Variants in WDR49 observed in about 807,000 individuals in gnomAD.
WDR49 encodes the protein cilia- and flagella-associated protein 337.
A neutral mutation model predicts 119.5 loss-of-function variants in WDR49; 107 were observed. That is an observed-to-expected ratio of 0.90 (90% CI 0.77 to 1.05). The LOEUF (loss-of-function observed/expected upper bound fraction) is 1.05, where lower values mean the gene tolerates loss of function less well. Ranked by LOEUF, WDR49 falls within the 50% of genes least tolerant of loss-of-function variation. The pLI is 0.00. For missense variants in WDR49, 1,240 were observed against 1,220.5 expected (o/e 1.02, Z -0.24); for synonymous variants, 425 against 418.8 (o/e 1.01, Z -0.18).
chr3:167,500,147 A>G lies in WDR49; in HGVS notation c.3031+6T>C, dbSNP rs772474212. 2.6e-6 allele frequency: 4 copies of G among 1,561,192 alleles called. No individual in the cohort carries two copies. In the African/African-American group the frequency reaches 5.6e-5, roughly 22 times the overall value. On this transcript the variant is annotated splice_donor_region_variant and intron_variant, in intron 18 of 18. Transcript: ENST00000682715. The stretch of plus-strand genomic sequence containing the variant: ...TAATAGAGGTGTATGATGGCTGAGA[A>G]CTTACTTTTAAAAAGTGACGGGGCC...
chr3:167,504,102 G>C (rs1381206472), intron 17 of WDR49, among the ~76,000 whole-genome samples: 2 of 152,306 alleles, frequency 1.3e-5, no homozygotes, highest in Middle Eastern at 3.4e-3. Context: ...CTCACTAGTA[G>C]AGGGGAAATG....
chr3:167,657,222 G>A (rs536966047), upstream of WDR49, among the ~76,000 whole-genome samples: 5 of 152,204 alleles, frequency 3.3e-5, no homozygotes, highest in Admixed American at 2.6e-4. Context: ...AAAGAAAAGA[G>A]CATTAAATTC....
At chr3:167,516,047 C>A (rs549157946) in intron 16 of WDR49, among the ~76,000 whole-genome samples, 3 of 152,084 alleles carry the variant, frequency 2.0e-5, no homozygotes, top group Non-Finnish European at 4.4e-5. Context: ...TCATGAAAAT[C>A]GCCATACTGC....
chr3:167,527,305 T>C lies in WDR49; in HGVS notation c.2604+515A>G, dbSNP rs183465965. Among the ~76,000 whole-genome samples the C allele has an allele frequency of 1.0e-3, 152 of 152,274 alleles. No homozygotes were observed. In the Middle Eastern group the frequency reaches 0.014, roughly 14 times the overall value. On this transcript the variant is annotated intron_variant, in intron 15 of 18. Transcript: ENST00000682715. ...CAATTGTGAAGATTAAATGAGTTAA[T>C]TCTTGAAAAACATCTTAGAACAGTA...
At chr3:167,618,686 G>A (rs143333259) in intron 5 of WDR49, among the ~76,000 whole-genome samples, 2 of 152,094 alleles carry the variant, frequency 1.3e-5, no homozygotes, top group African/African-American at 4.8e-5. Context: ...GTGATTTAAG[G>A]CCAGACTGTG....
chr3:167,541,454 C>T (rs1711830867), intron 10 of WDR49, among the ~76,000 whole-genome samples: 1 of 152,086 alleles, frequency 6.6e-6, no homozygotes, highest in Non-Finnish European at 1.5e-5. Context: ...CAAAACTAAG[C>T]TTCATAAATG....
intron 18 of WDR49, among the ~76,000 whole-genome samples, chr3:167,481,391 ACT>A (rs2108186548): frequency 6.6e-6 from 1 of 152,198 alleles, no homozygotes; most frequent in East Asian, 1.9e-4. Context: ...AGGTAGCAAA[ACT>A]CAGAAAAAGA....
intron 16 of WDR49, among the ~76,000 whole-genome samples, chr3:167,513,608 C>T (rs921473510): frequency 6.6e-6 from 1 of 152,136 alleles, no homozygotes; most frequent in Non-Finnish European, 1.5e-5. Flanking sequence ...TCACACATAA[C>T]AATATCAACC....
chr3:167,538,942 T>C (rs572306700), intron 10 of WDR49, among the ~76,000 whole-genome samples: 2 of 152,316 alleles, frequency 1.3e-5, no homozygotes, highest in Admixed American at 6.5e-5. Context: ...TGTGGAGCTC[T>C]GTTATTTAAG....
chr3:167,530,025 A>T (rs565210751), intron 13 of WDR49, among the ~76,000 whole-genome samples: 4 of 152,256 alleles, frequency 2.6e-5, no homozygotes, highest in Non-Finnish European at 5.9e-5. Flanking sequence ...TACTGATAAC[A>T]TTAAAATTAG....
At chr3:167,567,091 C>A (rs186786129) in intron 8 of WDR49, among the ~76,000 whole-genome samples, 2 of 152,148 alleles carry the variant, frequency 1.3e-5, no homozygotes, top group African/African-American at 4.8e-5. Context: ...CAGTACCAAT[C>A]CCTCTTCCAA....
chr3:167,590,970 T>C (rs1289619792), intron 7 of WDR49, among the ~76,000 whole-genome samples: 1 of 152,014 alleles, frequency 6.6e-6, no homozygotes, highest in Non-Finnish European at 1.5e-5. Flanking sequence ...ATTTGGGGTT[T>C]GGTTTGTTTT....
At chr3:167,637,066 C>T (rs2108336328) in intron 2 of WDR49, among the ~76,000 whole-genome samples, 1 of 151,936 alleles carries the variant, frequency 6.6e-6, no homozygotes. Flanking sequence ...AAATCCTTGC[C>T]TAAGCCAACC....
intron 2 of WDR49, among the ~76,000 whole-genome samples, chr3:167,650,855 G>A (rs1490091218): frequency 6.6e-6 from 1 of 152,100 alleles, no homozygotes; most frequent in African/African-American, 2.4e-5. Context: ...TAATCTTCAT[G>A]AAAGCTCTGT....
intron 11 of WDR49, among the ~76,000 whole-genome samples, 154 bp downstream of exon 11, chr3:167,536,712 CATAT>C (rs57802270): frequency 0.023 from 3,092 of 136,866 alleles, 114 homozygotes; most frequent in African/African-American, 0.08. Context: ...TATACACACA[CATAT>C]ATATATATAT....
At chr3:167,487,746 C>T (rs567027161) in intron 18 of WDR49, among the ~76,000 whole-genome samples, 1 of 152,126 alleles carries the variant, frequency 6.6e-6, no homozygotes, top group South Asian at 2.1e-4. Context: ...CAAAAGAAGA[C>T]ATACAAGTGG....
Position 167,612,093 on chromosome 3 carries a change from A to C in WDR49, c.959-7625T>G, listed in dbSNP as rs192644871. On this transcript the variant is annotated intron_variant, in intron 5 of 18. Transcript: ENST00000682715. ...TATACCATATGTTAGGTATCAAAAA[A>C]TATCTTAAGACATTCAAAATATTGA... Among the ~76,000 whole-genome samples the C allele has an allele frequency of 9.5e-4, 145 of 152,356 alleles. 1 individual carries two copies. The highest frequency in any genetic ancestry group is 7.7e-3 in the Admixed American group (118 of 15,308).
intron 5 of WDR49, among the ~76,000 whole-genome samples, chr3:167,609,465 A>T (rs1716235652): frequency 6.6e-6 from 1 of 152,142 alleles, no homozygotes; most frequent in Non-Finnish European, 1.5e-5. Flanking sequence ...AACCTGGACC[A>T]AACTCAACTG....
chr3:167,488,774 T>C (rs1197458259), intron 18 of WDR49, among the ~76,000 whole-genome samples: 4 of 152,072 alleles, frequency 2.6e-5, no homozygotes, highest in African/African-American at 7.2e-5. Flanking sequence ...CCAAATTTTT[T>C]GCCCAGGCAA....
Sources: allele counts gnomAD v4.1 joint callset (sites outside exome capture counted in the v4.1 genomes callset), GRCh38; gene constraint gnomAD v4.1.1; transcripts MANE v1.5; gene names NCBI Gene and HGNC (gene_info 2026-07-23, HGNC 2026-07-21).